The following ANKRD46 variants were observed in gnomAD, a reference collection of about 807,000 sequenced individuals.
ANKRD46 encodes the protein ankyrin repeat domain-containing protein 46.
ANKRD46 carries 13 observed loss-of-function variants against 19.8 expected under a neutral mutation model. The observed-to-expected ratio is 0.66, with a 90% CI of 0.43 to 1.04. The LOEUF is 1.04. ANKRD46 is among the 50% of genes least tolerant of loss of function. The pLI is 0.00. For synonymous variants in ANKRD46, 91 were observed against 106.9 expected, an observed-to-expected ratio of 0.85 and a Z score of 0.92; for missense variants, 185 against 274.8, an observed-to-expected ratio of 0.67 and a Z score of 2.31.
At chr8:100,531,004 A>G (rs1811952004) in intron 2 of ANKRD46, among the ~76,000 whole-genome samples, 1 of 152,152 alleles carries the variant, frequency 6.6e-6, no homozygotes, top group Non-Finnish European at 1.5e-5. Flanking sequence ...TCCTGGCCCC[A>G]CTGGCGCACC....
chr8:100,523,824 G>T (rs1028099722), intron 4 of ANKRD46, among the ~76,000 whole-genome samples: 1 of 151,900 alleles, frequency 6.6e-6, no homozygotes, highest in African/African-American at 2.4e-5. Flanking sequence ...TTGTATTTTT[G>T]GTAGAGACAG....
At position 100,525,847 on chromosome 8, in the gene ANKRD46, TC is replaced by T. The variant is rs1811831627; in HGVS notation, c.470+1997del. ...CCAAAGAAGCTGCTCTACTTTCCATTCCCATCAGCAGTGTATGAGGGTTCCA... is the reference window on the plus strand; with the variant it reads ...CCAAAGAAGCTGCTCTACTTTCCATTCCATCAGCAGTGTATGAGGGTTCCA... On this transcript the variant is annotated intron_variant, in intron 4 of 4. Transcript: ENST00000335659. The surrounding 1 kb of genome is among the most constrained non-coding windows in gnomAD (Gnocchi z 4.4). 6.6e-6 allele frequency among the ~76,000 whole-genome samples: 1 copy of T among 152,218 alleles called. No individual in the cohort carries two copies. Among genetic ancestry groups the T allele is most frequent in the Non-Finnish European group, 1.5e-5 (1 of 68,030 alleles).
intron 1 of ANKRD46, among the ~76,000 whole-genome samples, chr8:100,558,038 C>T (rs1432659830): frequency 1.3e-5 from 2 of 152,332 alleles, no homozygotes; most frequent in Middle Eastern, 3.4e-3. Flanking sequence ...TCTCACATCC[C>T]CCAGTGCTTA....
intron 3 of ANKRD46, among the ~76,000 whole-genome samples, chr8:100,528,833 C>T (rs565423948): frequency 1.3e-5 from 2 of 152,230 alleles, no homozygotes; most frequent in African/African-American, 2.4e-5. Flanking sequence ...TAAATTAGGG[C>T]AGTGTGTAAC....
In ANKRD46 at chr8:100,525,014, ATTAAAC is replaced by A. The variant is rs11277604; in HGVS notation, c.471-2249_471-2244del. Among the ~76,000 whole-genome samples, 64,778 of 151,536 alleles carry A rather than the reference ATTAAAC, an allele frequency of 0.43. 14,005 individuals are homozygous for A. The highest frequency in any genetic ancestry group is 0.47 in the Non-Finnish European group (31,877 of 67,652). On this transcript the variant is annotated intron_variant, in intron 4 of 4. Transcript: ENST00000335659. This position sits in a 1 kb window ranked among gnomAD's most constrained non-coding sequence, Gnocchi z 4.4. ...TCCCATACCTACAAAGTAAAAAGGA[ATTAAAC>A]TTAGAGTTATATGGAGGAGTGGGGA...
chr8:100,533,890 T>C (rs1241168738), intron 1 of ANKRD46, among the ~76,000 whole-genome samples: 1 of 152,226 alleles, frequency 6.6e-6, no homozygotes, highest in Non-Finnish European at 1.5e-5. Flanking sequence ...AGTCTATCTG[T>C]AGTCTTCTTT....
chr8:100,559,637 G>A lies in ANKRD46; in HGVS notation c.-131+74C>T, dbSNP rs942903123. On this transcript the variant is annotated intron_variant, in intron 1 of 4. Transcript: ENST00000335659. The surrounding 1 kb of genome is among the most constrained non-coding windows in gnomAD (Gnocchi z 6.0). ...CCCGGCCAGGCCTACTGGACCTCCA[G>A]TGCTACAGGGACGGTGCAGGAGATA... 8 of 152,480 alleles carry A rather than the reference G, an allele frequency of 5.2e-5. No individual in the cohort carries two copies. Among genetic ancestry groups the A allele is most frequent in the African/African-American group, 1.7e-4 (7 of 41,480 alleles). 9.4% of individuals were successfully genotyped at this position (152,480 alleles called of 1,614,324 possible).
At position 100,544,735 on chromosome 8, in the gene ANKRD46, T is replaced by G. The variant is rs1037252307; in HGVS notation, c.-130-11424A>C. The stretch of plus-strand genomic sequence containing the variant: ...TATCTGTCTTACCTACTTCACAATA[T>G]TTTTGTACAGAACTTTGAAAACTAT... On this transcript the variant is annotated intron_variant, in intron 1 of 4. Coordinates refer to ENST00000335659, the MANE Select transcript of ANKRD46 (RefSeq NM_001270377.2). The surrounding 1 kb of genome is among the most constrained non-coding windows in gnomAD (Gnocchi z 4.4). Among the ~76,000 whole-genome samples, 2 of 152,204 alleles carry G rather than the reference T, an allele frequency of 1.3e-5. No individual in the cohort carries two copies. The highest frequency in any genetic ancestry group is 2.9e-5 in the Non-Finnish European group (2 of 68,034).
At position 100,510,246 on chromosome 8, in the gene ANKRD46, C is replaced by T. The variant is rs7818618; in HGVS notation, c.*331G>A. 4,875 of 269,824 alleles carry T rather than the reference C, an allele frequency of 0.018. 240 individuals carry two copies. Among genetic ancestry groups the T allele is most frequent in the African/African-American group, 0.095 (4,354 of 45,846 alleles). The allele number at this position is 269,824 out of a possible 1,614,324, so 16.7% of individuals were successfully genotyped here. A position where few individuals can be genotyped will look rare whatever the true frequency, so the allele number is the denominator to read the frequency against. On this transcript the variant is annotated 3_prime_UTR_variant, in exon 6 of 6. Coordinates refer to the ANKRD46 transcript ENST00000520552. This position sits in a 1 kb window ranked among gnomAD's most constrained non-coding sequence, Gnocchi z 4.9. ...CTGGGAGTTGTCATTTCAGACACCA[C>T]GGCAGCCTTTTGTTCAAGATCAAAT...
At position 100,521,081 on chromosome 8, in the gene ANKRD46, G is replaced by A. The variant is rs971124364; in HGVS notation, c.*1474C>T. The stretch of plus-strand genomic sequence containing the variant: ...CTAACCTAAAAGCAAGACTCTGCAA[G>A]CTGATCCTGAAGCAGCCAGTTACTC... On this transcript the variant is annotated 3_prime_UTR_variant, in exon 5 of 5. Transcript: ENST00000335659. The A allele has an allele frequency of 4.1e-6, 4 of 984,944 alleles. No homozygotes were observed. The highest frequency in any genetic ancestry group is 6.2e-5 in the Admixed American group (1 of 16,202). 61.0% of individuals were successfully genotyped at this position (984,944 alleles called of 1,614,324 possible).
intron 1 of ANKRD46, among the ~76,000 whole-genome samples, chr8:100,535,003 G>A (rs1393596188): frequency 6.6e-6 from 1 of 152,192 alleles, no homozygotes; most frequent in Admixed American, 6.5e-5. Flanking sequence ...CTGACCTCAG[G>A]TGATCCACCC....
intron 4 of ANKRD46, among the ~76,000 whole-genome samples, chr8:100,523,293 G>T (rs991807317): frequency 4.6e-5 from 7 of 151,974 alleles, no homozygotes; most frequent in Non-Finnish European, 8.8e-5. Flanking sequence ...CATAATTTAA[G>T]AATGTGTTAA....
At chr8:100,530,026 T>G (rs1000242277) in intron 2 of ANKRD46, among the ~76,000 whole-genome samples, 166 bp from the exon 3 acceptor site, 3 of 152,234 alleles carry the variant, frequency 2.0e-5, no homozygotes, top group Non-Finnish European at 2.9e-5. Flanking sequence ...TATTTTCCAT[T>G]AAAACATTTT....
chr8:100,535,135 A>G (rs574086441), intron 1 of ANKRD46, among the ~76,000 whole-genome samples: 1 of 152,284 alleles, frequency 6.6e-6, no homozygotes, highest in South Asian at 2.1e-4. Context: ...GATTTGTATG[A>G]TTTCATAATA....
chr8:100,558,479 C>T (rs1586809101), intron 1 of ANKRD46, among the ~76,000 whole-genome samples: 1 of 152,292 alleles, frequency 6.6e-6, no homozygotes, highest in Admixed American at 6.5e-5. Context: ...TATTTCAAAT[C>T]AAATTGTACT....
In ANKRD46 at chr8:100,511,888, G is replaced by A. The variant is rs1811552229; in HGVS notation, c.637-1249C>T. Among the ~76,000 whole-genome samples the A allele has an allele frequency of 6.6e-6, 1 of 152,154 alleles. No homozygotes were observed. The highest frequency in any genetic ancestry group is 2.4e-5 in the African/African-American group (1 of 41,422). ...AAAAATACAAAAATTAGCTGGGTGG[G>A]GTGGTGCATGCCTGTAACCCCAGCT... On this transcript the variant is annotated intron_variant, in intron 5 of 5. Coordinates refer to the ANKRD46 transcript ENST00000520552. The surrounding 1 kb of genome is among the most constrained non-coding windows in gnomAD (Gnocchi z 4.1).
rs1178703819 is a variant in ANKRD46 at position 100,543,282 on chromosome 8, G to A, written c.-130-9971C>T. The stretch of plus-strand genomic sequence containing the variant: ...CTGATTCCCAGTGTTAGCAACTGTT[G>A]ATACAAACCTTATTTTCGTTTTAAT... On this transcript the variant is annotated intron_variant, in intron 1 of 4. Transcript: ENST00000335659. This position sits in a 1 kb window ranked among gnomAD's most constrained non-coding sequence, Gnocchi z 4.2. Among the ~76,000 whole-genome samples the A allele has an allele frequency of 6.6e-6, 1 of 152,166 alleles. No homozygotes were observed. The highest frequency in any genetic ancestry group is 1.5e-5 in the Non-Finnish European group (1 of 68,026).
chr8:100,509,866 C>G (rs938130368), exon 6 of ANKRD46: 1 of 152,298 alleles, frequency 6.6e-6, no homozygotes, highest in Non-Finnish European at 1.5e-5. Context: ...AGGATGAGAA[C>G]CAGGGAAAAC....
chr8:100,553,907 A>G (rs1812444037), intron 1 of ANKRD46, among the ~76,000 whole-genome samples: 1 of 152,258 alleles, frequency 6.6e-6, no homozygotes, highest in South Asian at 2.1e-4. Context: ...CAATATGGAA[A>G]GGTAGCTAAA....
Sources: gnomAD v4.1 joint callset for allele counts (sites outside exome capture counted in the v4.1 genomes callset) on GRCh38, gnomAD v4.1.1 for gene constraint, Gnocchi (gnomAD v3.1) non-coding constraint, MANE v1.5 for transcripts, NCBI Gene and HGNC (gene_info 2026-07-23, HGNC 2026-07-21) for gene names.